The following SGCZ variants were observed in gnomAD, a reference collection of about 807,000 sequenced individuals.
SGCZ encodes sarcoglycan zeta, also known as zeta-sarcoglycan.
SGCZ carries 40 observed loss-of-function variants against 41.3 expected under a neutral mutation model. The ratio of observed to expected loss-of-function variants is 0.97; its 90% confidence interval spans 0.75 to 1.26. SGCZ has a LOEUF of 1.26. SGCZ is among the 50% of genes most tolerant of loss of function. SGCZ has a pLI of 0.00. For synonymous variants in SGCZ, 206 were observed against 137.5 expected, an observed-to-expected ratio of 1.50 and a Z score of -3.49; for missense variants, 552 against 369.8, an observed-to-expected ratio of 1.49 and a Z score of -4.04.
chr8:15,007,522 T>C (rs62493666), intron 1 of SGCZ, among the ~76,000 whole-genome samples: 76,623 of 152,130 alleles, frequency 0.5, 19,560 homozygotes, highest in South Asian at 0.55. Context: ...GTTCTGGCTT[T>C]GCCATTGACT....
In SGCZ at chr8:14,819,917, A is replaced by G. The variant is rs140191783; in HGVS notation, c.40-264991T>C. Among the ~76,000 whole-genome samples the G allele has an allele frequency of 1.1e-3, 169 of 152,182 alleles. 4 individuals carry two copies. The East Asian group carries it at 0.03, about 27-fold the overall frequency. ...AAGCTAGCTCCACAGAAAACCACCA[A>G]ACTACTAAAGTAAACAGCCACAGAG... On this transcript the variant is annotated intron_variant, in intron 1 of 7. Coordinates refer to ENST00000382080, the MANE Select transcript of SGCZ (RefSeq NM_139167.4).
intron 3 of SGCZ, among the ~76,000 whole-genome samples, chr8:14,244,550 G>A (rs1365628500): frequency 1.3e-5 from 2 of 151,902 alleles, no homozygotes; most frequent in African/African-American, 4.8e-5. Flanking sequence ...TTGTTCTTTT[G>A]GCTTAGGATT....
intron 3 of SGCZ, among the ~76,000 whole-genome samples, chr8:14,276,944 C>A (rs777298184): frequency 6.6e-6 from 1 of 152,122 alleles, no homozygotes; most frequent in East Asian, 1.9e-4. Context: ...AATATTTAAA[C>A]CCCCACAAAT....
Position 14,087,886 on chromosome 8 carries a change from A to G in SGCZ, c.*2557T>C, listed in dbSNP as rs1801570232. Among the ~76,000 whole-genome samples the G allele has an allele frequency of 6.6e-6, 1 of 151,708 alleles. No individual in the cohort carries two copies. Among genetic ancestry groups the G allele is most frequent in the African/African-American group, 2.4e-5 (1 of 41,394 alleles). The stretch of plus-strand genomic sequence containing the variant: ...TTAAAGCAATTATTTGGTGTTGAAT[A>G]GGAAAGCCATCGCTATCACTATATT... On this transcript the variant is annotated 3_prime_UTR_variant, in exon 8 of 8. Transcript: ENST00000382080.
chr8:14,786,851 AC>A (rs60110112), intron 1 of SGCZ, among the ~76,000 whole-genome samples: 17,809 of 71,246 alleles, frequency 0.25, 2,320 homozygotes, highest in East Asian at 0.43. Flanking sequence ...AAAAAAAAAA[AC>A]AAAAAACACA....
chr8:15,045,552 G>T (rs1011749365), intron 1 of SGCZ, among the ~76,000 whole-genome samples: 1 of 152,050 alleles, frequency 6.6e-6, no homozygotes, highest in Admixed American at 6.6e-5. Flanking sequence ...TAGTAGACCA[G>T]TGATAAAGTA....
intron 1 of SGCZ, among the ~76,000 whole-genome samples, chr8:14,881,020 G>C (rs1045446982): frequency 1.8e-4 from 28 of 151,902 alleles, no homozygotes; most frequent in Non-Finnish European, 3.7e-4. Context: ...CAGAGAAAGA[G>C]TCTTAGTTCA....
intron 1 of SGCZ, among the ~76,000 whole-genome samples, chr8:14,691,473 T>C (rs1314925142): frequency 6.6e-6 from 1 of 152,074 alleles, no homozygotes; most frequent in Admixed American, 6.6e-5. Context: ...GGTTACTTAA[T>C]TATGTCGTCT....
intron 2 of SGCZ, among the ~76,000 whole-genome samples, chr8:14,517,085 GA>G (rs1379829258): frequency 6.6e-6 from 1 of 152,022 alleles, no homozygotes; most frequent in Non-Finnish European, 1.5e-5. Flanking sequence ...ATGCGTGACG[GA>G]AACAGATTTC....
chr8:14,329,707 G>T (rs10097709), intron 2 of SGCZ, among the ~76,000 whole-genome samples: 1 of 151,954 alleles, frequency 6.6e-6, no homozygotes, highest in East Asian at 1.9e-4. Context: ...CTTGTTTAGG[G>T]GAAATATTAT....
intron 1 of SGCZ, among the ~76,000 whole-genome samples, chr8:14,578,529 AT>A (rs1414645340): frequency 6.6e-6 from 1 of 152,186 alleles, no homozygotes; most frequent in Non-Finnish European, 1.5e-5. Context: ...ATTATATATT[AT>A]TGTCCCACTC....
chr8:14,551,486 ATAT>A (rs1803822685), intron 2 of SGCZ, among the ~76,000 whole-genome samples: 1 of 3,080 alleles, frequency 3.2e-4, no homozygotes, highest in Non-Finnish European at 7.7e-4. Context: ...TATATTATAT[ATAT>A]TATATATATT....
chr8:14,642,083 T>A (rs948761381), intron 1 of SGCZ, among the ~76,000 whole-genome samples: 1 of 151,600 alleles, frequency 6.6e-6, no homozygotes, highest in Admixed American at 6.6e-5. Flanking sequence ...CACCTGGAAG[T>A]ATTTTACTAA....
intron 2 of SGCZ, among the ~76,000 whole-genome samples, chr8:14,430,513 C>T (rs1799914009): frequency 6.6e-6 from 1 of 152,136 alleles, no homozygotes; most frequent in South Asian, 2.1e-4. Flanking sequence ...GACGAAAACT[C>T]TCAGCAAAAT....
intron 2 of SGCZ, among the ~76,000 whole-genome samples, chr8:14,425,638 GAAAAA>G (rs57843802): frequency 0.43 from 62,148 of 144,482 alleles, 13,387 homozygotes; most frequent in African/African-American, 0.58. Context: ...AAAAGAAAAA[GAAAAA>G]AAAAAAGAAA....
chr8:14,964,219 A>G (rs1263552213), intron 1 of SGCZ, among the ~76,000 whole-genome samples: 2 of 152,090 alleles, frequency 1.3e-5, no homozygotes, highest in Admixed American at 6.6e-5. Context: ...ACTTAGCCCT[A>G]TTTTCAAGAT....
chr8:14,526,282 C>T (rs1208129016), intron 2 of SGCZ, among the ~76,000 whole-genome samples: 1 of 151,908 alleles, frequency 6.6e-6, no homozygotes, highest in Non-Finnish European at 1.5e-5. Context: ...CATGTTATGC[C>T]TCTTGTCTAT....
chr8:14,247,431 C>G (rs1444761874), intron 3 of SGCZ, among the ~76,000 whole-genome samples: 1 of 152,182 alleles, frequency 6.6e-6, no homozygotes, highest in East Asian at 1.9e-4. Flanking sequence ...TACAGGGAAT[C>G]TGGGGTAATC....
intron 2 of SGCZ, among the ~76,000 whole-genome samples, chr8:14,519,605 A>G (rs1448164791): frequency 6.6e-6 from 1 of 152,128 alleles, no homozygotes; most frequent in Non-Finnish European, 1.5e-5. Flanking sequence ...GTGTGCTAAG[A>G]ATCAATGAAG....
Sources: gnomAD v4.1 joint callset for allele counts (sites outside exome capture counted in the v4.1 genomes callset) on GRCh38, gnomAD v4.1.1 for gene constraint, MANE v1.5 for transcripts, NCBI Gene and HGNC (gene_info 2026-07-23, HGNC 2026-07-21) for gene names.